Variants in SYNPR observed in about 807,000 individuals in gnomAD.
The protein encoded by SYNPR is synaptoporin.
A neutral mutation model predicts 32.9 loss-of-function variants in SYNPR; 23 were observed. The observed-to-expected ratio is 0.70, with a 90% CI of 0.50 to 0.99. The LOEUF (loss-of-function observed/expected upper bound fraction) is 0.99, where lower values mean the gene tolerates loss of function less well. SYNPR is among the 50% of genes least tolerant of loss of function. The pLI is 0.00. For missense variants in SYNPR, 318 were observed against 349.3 expected, an observed-to-expected ratio of 0.91 and a Z score of 0.71; for synonymous variants, 146 against 135.9, an observed-to-expected ratio of 1.07 and a Z score of -0.52.
chr3:63,490,926 G>C (rs984995076), intron 3 of SYNPR, among the ~76,000 whole-genome samples: 3 of 152,002 alleles, frequency 2.0e-5, no homozygotes, highest in Admixed American at 2.0e-4. Flanking sequence ...ATCACACTAA[G>C]CTAATTTTTG....
At chr3:63,310,142 G>C (rs577240610) in intron 2 of SYNPR, among the ~76,000 whole-genome samples, 2 of 151,764 alleles carry the variant, frequency 1.3e-5, no homozygotes, top group Non-Finnish European at 2.9e-5. Flanking sequence ...CAACTGCCTC[G>C]TATACTCTTC....
chr3:63,237,648 A>G (rs1440195651), intron 1 of SYNPR, among the ~76,000 whole-genome samples: 1 of 152,124 alleles, frequency 6.6e-6, no homozygotes, highest in Non-Finnish European at 1.5e-5. Flanking sequence ...CTATTATGTT[A>G]GGGGACTCAA....
chr3:63,548,242 T>C (rs534247107), intron 3 of SYNPR, among the ~76,000 whole-genome samples: 10 of 152,286 alleles, frequency 6.6e-5, no homozygotes, highest in Admixed American at 5.9e-4. Flanking sequence ...ATTTGGGTCA[T>C]AAGTAAAACA....
intron 2 of SYNPR, among the ~76,000 whole-genome samples, chr3:63,313,814 T>C (rs2087002132): frequency 2.5e-5 from 1 of 40,232 alleles, no homozygotes; most frequent in Non-Finnish European, 4.4e-5. Context: ...TATATCCATA[T>C]ATATATCCAT....
intron 4 of SYNPR, among the ~76,000 whole-genome samples, chr3:63,584,205 T>G (rs1274269081): frequency 6.6e-6 from 1 of 152,046 alleles, no homozygotes; most frequent in African/African-American, 2.4e-5. Context: ...GGGCCTTCAT[T>G]AGAGAGGCAT....
intron 3 of SYNPR, among the ~76,000 whole-genome samples, chr3:63,523,256 C>T (rs1224584222): frequency 2.0e-5 from 3 of 152,088 alleles, no homozygotes; most frequent in African/African-American, 4.8e-5. Context: ...TCCCTTTGCC[C>T]TTCCAAGTCC....
At chr3:63,473,223 G>A (rs1212372040) in intron 2 of SYNPR, among the ~76,000 whole-genome samples, 1 of 151,974 alleles carries the variant, frequency 6.6e-6, no homozygotes, top group Non-Finnish European at 1.5e-5. Context: ...CATTCCTCCA[G>A]ACAGCTATGT....
At chr3:63,513,631 T>C (rs936636784) in intron 3 of SYNPR, among the ~76,000 whole-genome samples, 10 of 152,096 alleles carry the variant, frequency 6.6e-5, no homozygotes, top group Non-Finnish European at 1.3e-4. Flanking sequence ...TCAACATAGG[T>C]AATTTGAGGG....
At chr3:63,332,527 T>C (rs1279017024) in intron 2 of SYNPR, among the ~76,000 whole-genome samples, 1 of 152,170 alleles carries the variant, frequency 6.6e-6, no homozygotes, top group African/African-American at 2.4e-5. Flanking sequence ...CTCAGTATAT[T>C]TATGGAAGAA....
intron 2 of SYNPR, among the ~76,000 whole-genome samples, chr3:63,305,110 T>G (rs926214438): frequency 3.9e-5 from 6 of 152,094 alleles, no homozygotes; most frequent in Non-Finnish European, 7.4e-5. Context: ...GATTTGGTGG[T>G]CTGCCTGATG....
chr3:63,460,933 T>C (rs929928862), intron 2 of SYNPR, among the ~76,000 whole-genome samples: 1 of 151,872 alleles, frequency 6.6e-6, no homozygotes, highest in Admixed American at 6.6e-5. Context: ...AGCAGGCAAA[T>C]ACAGAGATGT....
At chr3:63,274,006 G>A (rs1246867585), upstream of SYNPR, among the ~76,000 whole-genome samples, 3 of 152,176 alleles carry the variant, frequency 2.0e-5, no homozygotes, top group African/African-American at 4.8e-5. Flanking sequence ...AAACGCACAG[G>A]CATGCTATTG....
Position 63,439,149 on chromosome 3 carries a change from T to A in SYNPR, c.85-41683T>A, listed in dbSNP as rs534252683. Among the ~76,000 whole-genome samples the A allele has an allele frequency of 1.4e-3, 216 of 152,312 alleles. 1 individual carries two copies. Among genetic ancestry groups the A allele is most frequent in the African/African-American group, 4.9e-3 (202 of 41,568 alleles). ...TCCATTCAGAGGAAAAAAAAATTCT[T>A]TTGAAGTTGTCTGAAGGCCATTGCT... On this transcript the variant is annotated intron_variant, in intron 2 of 5. Transcript: ENST00000478300.
chr3:63,610,669 T>C (rs1439297738), intron 5 of SYNPR: 1 of 463,460 alleles, frequency 2.2e-6, no homozygotes, highest in South Asian at 5.6e-5. Context: ...TATTTACTTA[T>C]ACTTCTGTAG....
intron 4 of SYNPR, among the ~76,000 whole-genome samples, chr3:63,568,210 C>A (rs1375276569): frequency 6.6e-6 from 1 of 152,132 alleles, no homozygotes; most frequent in Non-Finnish European, 1.5e-5. Flanking sequence ...CTCCAAATAC[C>A]ATTAAGGCAC....
chr3:63,264,210 G>C (rs1575579974), intron 2 of SYNPR, among the ~76,000 whole-genome samples: 1 of 152,046 alleles, frequency 6.6e-6, no homozygotes, highest in East Asian at 1.9e-4. Flanking sequence ...AAGAACCCAG[G>C]GGTTCCATAC....
intron 2 of SYNPR, among the ~76,000 whole-genome samples, chr3:63,309,771 A>G (rs2086944384): frequency 6.6e-6 from 1 of 151,962 alleles, no homozygotes; most frequent in African/African-American, 2.4e-5. Flanking sequence ...TGAATACTCA[A>G]GAAGCACCCT....
intron 2 of SYNPR, among the ~76,000 whole-genome samples, chr3:63,329,526 A>C (rs2087203069): frequency 6.6e-6 from 1 of 152,180 alleles, no homozygotes; most frequent in Non-Finnish European, 1.5e-5. Context: ...AATTTCCCTG[A>C]ATTAGAGAAA....
intron 2 of SYNPR, among the ~76,000 whole-genome samples, chr3:63,401,607 CT>C (rs1271866662): frequency 2.6e-5 from 4 of 152,096 alleles, no homozygotes; most frequent in African/African-American, 4.8e-5. Context: ...ATTAGCTGAA[CT>C]TTTTAGAGTC....
Sources: gnomAD v4.1 joint callset for allele counts (sites outside exome capture counted in the v4.1 genomes callset) on GRCh38, gnomAD v4.1.1 for gene constraint, MANE v1.5 for transcripts, NCBI Gene and HGNC (gene_info 2026-07-23, HGNC 2026-07-21) for gene names.